Variants in LRRC52 observed in about 807,000 individuals in gnomAD.
LRRC52 encodes the protein leucine rich repeat containing 52.
A neutral mutation model predicts 14.7 loss-of-function variants in LRRC52; 15 were observed. The observed-to-expected ratio is 1.02, with a 90% CI of 0.68 to 1.58. The LOEUF (loss-of-function observed/expected upper bound fraction) is 1.58, where lower values mean the gene tolerates loss of function less well. Ranked by LOEUF, LRRC52 falls within the 40% of genes most tolerant of loss-of-function variation. LRRC52 has a pLI of 0.00. For missense variants in LRRC52, 400 were observed against 387.7 expected (o/e 1.03, Z -0.27); for synonymous variants, 180 against 163.9 (o/e 1.10, Z -0.75).
At chr1:165,551,010 G>A (rs1661119507) in intron 1 of LRRC52, among the ~76,000 whole-genome samples, 1 of 152,168 alleles carries the variant, frequency 6.6e-6, no homozygotes, top group African/African-American at 2.4e-5. Context: ...GGTGAGAGGA[G>A]AACAGCGCTC....
In LRRC52 at chr1:165,544,402, G is replaced by C. The variant is rs763532309; in HGVS notation, c.106G>C (p.Glu36Gln). The change falls in exon 1 of 2, where the codon GAA becomes CAA. Residue 36 changes from glutamate to glutamine, a missense_variant. Transcript: ENST00000294818. Reference sequence around the variant, plus strand: ...AAATAATTGTCTGTGTCAAGCCCAAGAAGTAATCTGCACAGGGAAGCAGTT... The same window carrying C: ...AAATAATTGTCTGTGTCAAGCCCAACAAGTAATCTGCACAGGGAAGCAGTT... The part of the protein sequence containing the change: ...CPNNCLCQAQ[E>Q]VICTGKQLTE... 11 of 1,614,112 alleles carry C rather than the reference G, an allele frequency of 6.8e-6. No individual in the cohort carries two copies. In the South Asian group the frequency reaches 1.2e-4, roughly 18 times the overall value.
At position 165,563,823 on chromosome 1, in the gene LRRC52, A is replaced by G. The variant is rs763327443; in HGVS notation, c.941A>G (p.Ter314TrpextTer32). Reference sequence around the variant, plus strand: ...GTCCAGGAGTTCCCTCAGCTTATTTAGTTGCCAGAGACCACTATCTTATGT... The same window carrying G: ...GTCCAGGAGTTCCCTCAGCTTATTTGGTTGCCAGAGACCACTATCTTATGT... ...SSVQEFPQLI[*>W] Residue 314 changes from the stop codon to tryptophan, a stop_lost, in exon 2 of 2, where the codon TAG becomes TGG. Coordinates refer to ENST00000294818, the MANE Select transcript of LRRC52 (RefSeq NM_001005214.4). 105 of 1,613,092 alleles carry G rather than the reference A, an allele frequency of 6.5e-5. No homozygotes were observed. Among genetic ancestry groups the G allele is most frequent in the Non-Finnish European group, 8.9e-5 (105 of 1,179,434 alleles).
chr1:165,544,966 C>G (rs147707752), intron 1 of LRRC52, 48 bp downstream of exon 1: 13 of 1,591,462 alleles, frequency 8.2e-6, no homozygotes, highest in Middle Eastern at 1.7e-4. Flanking sequence ...TGAAGTGGCT[C>G]CAGAAAAGGT....
At chr1:165,554,448 G>GTTGTTGTTGTT (rs1439249220) in intron 1 of LRRC52, among the ~76,000 whole-genome samples, 1 of 151,998 alleles carries the variant, frequency 6.6e-6, no homozygotes, top group Admixed American at 6.6e-5. Context: ...TGTTGTTGTT[G>GTTGTTGTTGTT]TTGTTTTTTG....
chr1:165,563,391 C>T (rs891974548), intron 1 of LRRC52, 114 bp from the exon 2 acceptor site: 5 of 899,124 alleles, frequency 5.6e-6, no homozygotes, highest in Non-Finnish European at 6.7e-6. Flanking sequence ...TGCTGGCCCA[C>T]AGACCACACT....
At position 165,544,255 on chromosome 1, in the gene LRRC52, G is replaced by T. The variant is rs201636701; in HGVS notation, c.-42G>T. The T allele has an allele frequency of 1.7e-4, 267 of 1,552,944 alleles. No individual in the cohort carries two copies. Among genetic ancestry groups the T allele is most frequent in the Admixed American group, 8.8e-5 (5 of 56,822 alleles). ...GGCAGCCTTCGGATCAGAGGACAGA[G>T]CCCGCAGGAAGGTGAAAGGAGGGTG... On this transcript the variant is annotated 5_prime_UTR_variant, in exon 1 of 2. Transcript: ENST00000294818.
intron 1 of LRRC52, among the ~76,000 whole-genome samples, chr1:165,545,928 TG>T (rs150033617): frequency 0.033 from 5,049 of 152,256 alleles, 303 homozygotes; most frequent in African/African-American, 0.12. Flanking sequence ...CTGTCTTCCC[TG>T]GGTGTTTGCC....
chr1:165,551,490 GAAC>G (rs1661130797), intron 1 of LRRC52, among the ~76,000 whole-genome samples: 1 of 152,208 alleles, frequency 6.6e-6, no homozygotes, highest in Admixed American at 6.5e-5. Flanking sequence ...ATTTGACAGG[GAAC>G]AACCAGAAAC....
chr1:165,553,945 C>G (rs1444907202), intron 1 of LRRC52, among the ~76,000 whole-genome samples: 2 of 152,074 alleles, frequency 1.3e-5, no homozygotes, highest in East Asian at 3.9e-4. Flanking sequence ...ATAAAATATC[C>G]ATTGTCCTTG....
intron 1 of LRRC52, among the ~76,000 whole-genome samples, chr1:165,551,550 G>A (rs149524412): frequency 5.3e-5 from 8 of 152,300 alleles, no homozygotes; most frequent in Admixed American, 3.9e-4. Flanking sequence ...AGAGTGGGGC[G>A]GTTTGAGGAC....
intron 1 of LRRC52, among the ~76,000 whole-genome samples, chr1:165,555,745 T>C (rs140167300): frequency 5.5e-4 from 84 of 152,312 alleles, no homozygotes; most frequent in Non-Finnish European, 1.0e-3. Context: ...GATCTGAACA[T>C]GTAATGTGAA....
chr1:165,552,838 A>G (rs1661161011), intron 1 of LRRC52, among the ~76,000 whole-genome samples: 2 of 152,222 alleles, frequency 1.3e-5, no homozygotes, highest in African/African-American at 4.8e-5. Flanking sequence ...GAGTGAATGA[A>G]TGAGATACAG....
intron 1 of LRRC52, among the ~76,000 whole-genome samples, chr1:165,554,682 AC>A (rs1188131207): frequency 1.3e-5 from 2 of 152,126 alleles, no homozygotes; most frequent in Non-Finnish European, 2.9e-5. Flanking sequence ...TGATCCACCC[AC>A]CTTGGCCTTC....
At chr1:165,554,744 T>C (rs1661199955) in intron 1 of LRRC52, among the ~76,000 whole-genome samples, 1 of 152,226 alleles carries the variant, frequency 6.6e-6, no homozygotes. Flanking sequence ...ATAGCTTTTT[T>C]GATCACACAG....
chr1:165,559,601 A>G (rs1048765845), intron 1 of LRRC52, among the ~76,000 whole-genome samples: 1 of 152,234 alleles, frequency 6.6e-6, no homozygotes, highest in African/African-American at 2.4e-5. Flanking sequence ...AGAACAATGT[A>G]CTCAACAAAG....
intron 1 of LRRC52, among the ~76,000 whole-genome samples, chr1:165,549,751 C>A (rs767988327): frequency 6.6e-6 from 1 of 152,164 alleles, no homozygotes; most frequent in African/African-American, 2.4e-5. Context: ...CTAAGGACCT[C>A]CCCCATAGAG....
intron 1 of LRRC52, among the ~76,000 whole-genome samples, chr1:165,545,446 G>C (rs1271057692): frequency 6.6e-6 from 1 of 152,114 alleles, no homozygotes; most frequent in Admixed American, 6.5e-5. Context: ...GGAAGGAGGG[G>C]CACGTGAGCT....
rs368453603 is a variant in LRRC52 at position 165,563,677 on chromosome 1, C to T, written c.795C>T (p.Leu265=). The T allele has an allele frequency of 3.0e-4, 481 of 1,614,058 alleles. 1 individual carries two copies. The highest frequency in any genetic ancestry group is 3.8e-4 in the Non-Finnish European group (447 of 1,180,038). The change falls in exon 2 of 2, where the codon CTC becomes CTT. Residue 265 remains leucine, a synonymous_variant. Transcript: ENST00000294818. ...IFAAGTVAAW[L]TGVCAVLYQN... Reference sequence around the variant, plus strand: ...CCGCGGGAACTGTGGCTGCCTGGCTCACAGGTGTGTGTGCTGTGCTCTACC... The same window carrying T: ...CCGCGGGAACTGTGGCTGCCTGGCTTACAGGTGTGTGTGCTGTGCTCTACC...
intron 1 of LRRC52, among the ~76,000 whole-genome samples, chr1:165,550,360 C>CTA (rs1661107610): frequency 6.6e-6 from 1 of 152,158 alleles, no homozygotes; most frequent in East Asian, 1.9e-4. Context: ...GGTAAATAGT[C>CTA]TATATATATG....
Sources: gnomAD v4.1 joint callset for allele counts (sites outside exome capture counted in the v4.1 genomes callset) on GRCh38, gnomAD v4.1.1 for gene constraint, MANE v1.5 for transcripts, NCBI Gene and HGNC (gene_info 2026-07-23, HGNC 2026-07-21) for gene names.